ADAMTSL2: variants seen among roughly 807,000 people sequenced by gnomAD.
ADAMTSL2 encodes the protein ADAMTS like 2.
A neutral mutation model predicts 117.0 loss-of-function variants in ADAMTSL2; 55 were observed. The ratio of observed to expected loss-of-function variants is 0.47; its 90% CI spans 0.38 to 0.59. The LOEUF is 0.59. Among genes scored for constraint, ADAMTSL2 ranks in the 20% least tolerant of loss-of-function variants. The probability of loss-of-function intolerance (pLI) is 0.00; values close to 1 mark genes in which losing one functional copy is unlikely to be tolerated. For missense variants in ADAMTSL2, 1,182 were observed against 1,354.5 expected (o/e 0.87, Z 2.00); for synonymous variants, 572 against 566.4 (o/e 1.01, Z -0.14).
In ADAMTSL2 at chr9:133,575,154, C is replaced by G; in HGVS notation, c.*290C>G. ...TTTGTGGCTCCCACTCCCCAGCCCC[C>G]CAGCAGCCCCCAGCCGAGGGGCCCA... is the stretch of plus-strand genomic sequence containing the variant. On this transcript the variant is annotated 3_prime_UTR_variant, in exon 19 of 19. Coordinates refer to ENST00000651351, the MANE Select transcript of ADAMTSL2 (RefSeq NM_014694.4). The G allele has an allele frequency of 2.2e-6, 1 of 458,066 alleles. No homozygotes were observed. Among genetic ancestry groups the G allele is most frequent in the South Asian group, 2.3e-5 (1 of 43,756 alleles). The allele number at this position is 458,066 out of a possible 1,614,324, so 28.4% of individuals were successfully genotyped here.
At chr9:133,532,963 G>A (rs1261018111), upstream of ADAMTSL2, among the ~76,000 whole-genome samples, 2 of 152,312 alleles carry the variant, frequency 1.3e-5, no homozygotes, top group South Asian at 2.1e-4. Context: ...TGTGTTGGTC[G>A]GCTGTGGGGT....
intron 2 of ADAMTSL2, 59 bp from the exon 3 acceptor site, chr9:133,537,346 G>A (rs1830076509): frequency 2.3e-6 from 3 of 1,326,258 alleles, no homozygotes; most frequent in Non-Finnish European, 2.9e-6. Flanking sequence ...TGGGGTGGGG[G>A]CAGGCTGGTC....
chr9:133,547,896 A>G (rs1181718479), intron 9 of ADAMTSL2, among the ~76,000 whole-genome samples: 4 of 152,222 alleles, frequency 2.6e-5, no homozygotes, highest in African/African-American at 9.6e-5. Context: ...CCGACTTGCC[A>G]CAAGTTCTTC....
intron 12 of ADAMTSL2, 38 bp from the exon 13 acceptor site, chr9:133,566,898 C>A: frequency 6.3e-7 from 1 of 1,589,036 alleles, no homozygotes; most frequent in Non-Finnish European, 8.6e-7. Flanking sequence ...TCCAAGGTGC[C>A]GGCATGGCTC....
At position 133,567,565 on chromosome 9, in the gene ADAMTSL2, C is replaced by T. The variant is rs7037001; in HGVS notation, c.1874+503C>T. Among the ~76,000 whole-genome samples the T allele has an allele frequency of 2.8e-3, 426 of 152,294 alleles. 4 individuals are homozygous for T. Among genetic ancestry groups the T allele is most frequent in the Non-Finnish European group, 3.9e-3 (263 of 68,020 alleles). ...GGTCCCCAGATGAGCCTGAGGGTGC[C>T]GGCCTCCCCCGACAAGGATCACACA... On this transcript the variant is annotated intron_variant, in intron 13 of 18. Coordinates refer to ENST00000651351, the MANE Select transcript of ADAMTSL2 (RefSeq NM_014694.4).
At position 133,554,415 on chromosome 9, in the gene ADAMTSL2, C is replaced by T. The variant is rs1407750012; in HGVS notation, c.998C>T (p.Pro333Leu). Residue 333 changes from proline to leucine, a missense_variant, in exon 10 of 19, where the codon CCG becomes CTG. Coordinates refer to ENST00000651351, the MANE Select transcript of ADAMTSL2 (RefSeq NM_014694.4). This position sits in a 1 kb window ranked among gnomAD's most constrained non-coding sequence, Gnocchi z 5.2. ...SITFEYTLLQ[P>L]PHESRPQPIY... ...ACCTTCGAGTACACGCTGCTGCAGCCGCCACACGAGAGCCGCCCCCAGCCC... is the reference window on the plus strand; with the variant it reads ...ACCTTCGAGTACACGCTGCTGCAGCTGCCACACGAGAGCCGCCCCCAGCCC... The T allele has an allele frequency of 2.6e-5, 40 of 1,565,960 alleles. No homozygotes were observed. The highest frequency in any genetic ancestry group is 3.2e-5 in the Non-Finnish European group (37 of 1,156,506).
chr9:133,554,683 G>T lies in ADAMTSL2; in HGVS notation c.1266G>T (p.Lys422Asn). Residue 422 changes from lysine to asparagine, a missense_variant, in exon 10 of 19, where the codon AAG becomes AAT. Physicochemically the swap from Lys to Asn is moderately conservative, Grantham distance 94. Coordinates refer to ENST00000651351, the MANE Select transcript of ADAMTSL2 (RefSeq NM_014694.4). This position sits in a 1 kb window ranked among gnomAD's most constrained non-coding sequence, Gnocchi z 5.2. ...GGACEGPPRG[K>N]GFRDRNVTGT... ...CCTGCGAGGGGCCCCCCAGGGGCAA[G>T]GGCTTCCGAGGTAACCAGGAGGAGG... 1 of 1,493,824 alleles carries T rather than the reference G, an allele frequency of 6.7e-7. No homozygotes were observed. Among genetic ancestry groups the T allele is most frequent in the South Asian group, 1.3e-5 (1 of 76,320 alleles). 92.5% of individuals were successfully genotyped at this position (1,493,824 alleles called of 1,614,324 possible).
intron 4 of ADAMTSL2, 85 bp from the exon 5 acceptor site, chr9:133,539,686 G>GTCCCGGCTGTCCCGGCTGGCC: frequency 3.1e-6 from 4 of 1,305,770 alleles, no homozygotes; most frequent in Non-Finnish European, 4.3e-6. Context: ...TGTCCCGGCT[G>GTCCCGGCTGTCCCGGCTGGCC]CAGCCACTTC....
intron 12 of ADAMTSL2, among the ~76,000 whole-genome samples, chr9:133,565,520 G>A (rs1386595359): frequency 3.3e-5 from 5 of 152,194 alleles, no homozygotes; most frequent in African/African-American, 9.6e-5. Flanking sequence ...AGACCTGGCC[G>A]GGAAGCCAGC....
At chr9:133,536,865 C>T (rs548854106) in intron 2 of ADAMTSL2, 63 bp downstream of exon 2, 20 of 1,610,396 alleles carry the variant, frequency 1.2e-5, no homozygotes, top group East Asian at 2.2e-5. Flanking sequence ...TGTGATCACT[C>T]TCAGATGGAC....
chr9:133,556,913 T>C (rs1830615853), intron 11 of ADAMTSL2, among the ~76,000 whole-genome samples: 1 of 152,176 alleles, frequency 6.6e-6, no homozygotes, highest in Admixed American at 6.5e-5. Context: ...TCCCCACAGT[T>C]TCTCCCAGCA....
chr9:133,533,736 C>A (rs756770), upstream of ADAMTSL2, among the ~76,000 whole-genome samples: 10,334 of 152,258 alleles, frequency 0.068, 410 homozygotes, highest in Non-Finnish European at 0.075. Context: ...AGTGTCTTCC[C>A]GGCACTGCTG....
At chr9:133,555,392 C>T (rs892520358) in intron 10 of ADAMTSL2, among the ~76,000 whole-genome samples, 166 bp from the exon 11 acceptor site, 11 of 152,260 alleles carry the variant, frequency 7.2e-5, no homozygotes, top group East Asian at 5.8e-4. Context: ...CTCATGCCTC[C>T]GTTTTGCCCG....
Position 133,569,430 on chromosome 9 carries a change from G to C in ADAMTSL2, c.2267G>C (p.Gly756Ala). 1.2e-6 allele frequency: 2 copies of C among 1,613,496 alleles called. No individual in the cohort carries two copies. The highest frequency in any genetic ancestry group is 2.2e-5 in the South Asian group (2 of 91,070). ...CAGTGCAGTGGAAGCTGCGGGCAAG[G>C]CCGCACCATCAGGCACGTGTACTGC... ...WGPCSGSCGQ[G>A]RTIRHVYCKT... Residue 756 changes from glycine (G) to alanine (A), a missense_variant, in exon 16 of 19, where the codon GGC becomes GCC. Coordinates refer to ENST00000651351, the MANE Select transcript of ADAMTSL2 (RefSeq NM_014694.4).
intron 16 of ADAMTSL2, 132 bp downstream of exon 16, chr9:133,569,710 C>G: frequency 2.1e-6 from 2 of 934,864 alleles, no homozygotes. Context: ...AGGGACAATT[C>G]CCTAAAAATT....
chr9:133,550,208 A>G (rs1564500722), intron 9 of ADAMTSL2, among the ~76,000 whole-genome samples: 1 of 152,252 alleles, frequency 6.6e-6, no homozygotes, highest in Non-Finnish European at 1.5e-5. Context: ...CTACTTCACT[A>G]AAGCCCCATC....
At chr9:133,537,313 G>T (rs1239031542) in intron 2 of ADAMTSL2, 92 bp from the exon 3 acceptor site, 4 of 1,279,694 alleles carry the variant, frequency 3.1e-6, no homozygotes, top group South Asian at 2.9e-5. Flanking sequence ...TTCTGGTCCC[G>T]CTGACGGTGA....
At position 133,554,411 on chromosome 9, in the gene ADAMTSL2, C is replaced by T; in HGVS notation, c.994C>T (p.Gln332Ter). Reference protein sequence around the residue: ...PSITFEYTLLQPPHESRPQPI... With the variant: ...PSITFEYTLL The stretch of plus-strand genomic sequence containing the variant: ...CATCACCTTCGAGTACACGCTGCTG[C>T]AGCCGCCACACGAGAGCCGCCCCCA... Residue 332 changes from glutamine (Q) to a stop codon, truncating the protein, a stop_gained, in exon 10 of 19, where the codon CAG becomes TAG. Transcript: ENST00000651351. LOFTEE classifies it high-confidence loss of function. This position sits in a 1 kb window ranked among gnomAD's most constrained non-coding sequence, Gnocchi z 5.2. 1 of 1,561,582 alleles carries T rather than the reference C, an allele frequency of 6.4e-7. No individual in the cohort carries two copies. Among genetic ancestry groups the T allele is most frequent in the Non-Finnish European group, 8.7e-7 (1 of 1,154,808 alleles).
intron 1 of ADAMTSL2, among the ~76,000 whole-genome samples, 169 bp from the exon 2 acceptor site, chr9:133,536,394 G>A (rs979853013): frequency 6.6e-6 from 1 of 152,228 alleles, no homozygotes; most frequent in Non-Finnish European, 1.5e-5. Context: ...TTGAGGACTT[G>A]GAGGCAAAGC....
Sources: gnomAD v4.1 joint callset for allele counts (sites outside exome capture counted in the v4.1 genomes callset) on GRCh38, gnomAD v4.1.1 for gene constraint, Gnocchi (gnomAD v3.1) non-coding constraint, MANE v1.5 for transcripts, NCBI Gene and HGNC (gene_info 2026-07-23, HGNC 2026-07-21) for gene names.